SLC7A1: variants seen among roughly 807,000 people sequenced by gnomAD.
The protein encoded by SLC7A1 is solute carrier family 7 member 1.
A neutral mutation model predicts 53.9 loss-of-function variants in SLC7A1; 10 were observed. The ratio of observed to expected loss-of-function variants is 0.19; its 90% CI spans 0.11 to 0.31. The LOEUF is 0.31. Among genes scored for constraint, SLC7A1 ranks in the 10% least tolerant of loss-of-function variants. The pLI, the probability that SLC7A1 is intolerant of heterozygous loss-of-function variation, is 1.00. For missense variants in SLC7A1, 525 were observed against 827.2 expected (o/e 0.63, Z 4.48); for synonymous variants, 342 against 338.7 (o/e 1.01, Z -0.11).
intron 1 of SLC7A1, among the ~76,000 whole-genome samples, chr13:29,561,700 G>C (rs773844467): frequency 2.0e-5 from 3 of 152,152 alleles, no homozygotes; most frequent in African/African-American, 7.2e-5. Flanking sequence ...AGACCTCAGC[G>C]TCCCTGGAAC....
intron 1 of SLC7A1, among the ~76,000 whole-genome samples, chr13:29,586,961 C>G (rs948463113): frequency 2.0e-5 from 3 of 152,226 alleles, no homozygotes; most frequent in African/African-American, 7.2e-5. Flanking sequence ...AGCTCTGGCC[C>G]GTCCAGGTTG....
chr13:29,525,556 C>T (rs1868845836), intron 5 of SLC7A1, among the ~76,000 whole-genome samples: 1 of 152,226 alleles, frequency 6.6e-6, no homozygotes, highest in Non-Finnish European at 1.5e-5. Context: ...AACAGACAGA[C>T]AGACAGGATG....
chr13:29,594,366 C>T lies in SLC7A1; in HGVS notation c.-115+1050G>A, dbSNP rs1419578923. ...ACACATGAGGGCATGGCGGTGATGA[C>T]GTGAGTATTGGGAAATGTAGGTTAT... On this transcript the variant is annotated intron_variant, in intron 1 of 12. Transcript: ENST00000380752. Among the ~76,000 whole-genome samples, 8 of 152,318 alleles carry T rather than the reference C, an allele frequency of 5.3e-5. No individual in the cohort carries two copies. In the East Asian group the frequency reaches 5.8e-4, roughly 11 times the overall value.
intron 1 of SLC7A1, among the ~76,000 whole-genome samples, chr13:29,578,879 C>T (rs947340646): frequency 2.6e-5 from 4 of 152,234 alleles, no homozygotes; most frequent in Admixed American, 6.5e-5. Context: ...TCTCCGCAGG[C>T]GGGGCCTGGC....
intron 3 of SLC7A1, among the ~76,000 whole-genome samples, chr13:29,535,281 A>G (rs1000082654): frequency 6.6e-6 from 1 of 152,274 alleles, no homozygotes; most frequent in Non-Finnish European, 1.5e-5. Flanking sequence ...GTAGGCAAGC[A>G]TTAGAAATGT....
intron 5 of SLC7A1, among the ~76,000 whole-genome samples, chr13:29,526,527 A>G (rs1411954138): frequency 1.3e-5 from 2 of 152,082 alleles, no homozygotes; most frequent in Non-Finnish European, 1.5e-5. Flanking sequence ...ATAAATAAAT[A>G]AATGAATGCT....
At chr13:29,554,780 C>T (rs1023848550) in intron 1 of SLC7A1, among the ~76,000 whole-genome samples, 1 of 152,216 alleles carries the variant, frequency 6.6e-6, no homozygotes. Flanking sequence ...AGATTTCCCA[C>T]AATTGGAATC....
At chr13:29,539,859 C>CA (rs1869589428) in intron 2 of SLC7A1, among the ~76,000 whole-genome samples, 1 of 152,170 alleles carries the variant, frequency 6.6e-6, no homozygotes, top group African/African-American at 2.4e-5. Context: ...CTGAGAAGCC[C>CA]AGGGCTGATA....
intron 4 of SLC7A1, among the ~76,000 whole-genome samples, chr13:29,531,316 G>GTT (rs35134959): frequency 0.26 from 38,538 of 149,782 alleles, 5,362 homozygotes; most frequent in African/African-American, 0.38. Flanking sequence ...GCAAACTCAC[G>GTT]TTTTTTTTTT....
chr13:29,511,646 T>TC lies in SLC7A1; in HGVS notation c.*2833dup, dbSNP rs1284030095. ...ACTGCCTCCCTGGAGACCCACTTCA[T>TC]CCCCCTCTTCAGCAGAGGTCCTGAG... On this transcript the variant is annotated 3_prime_UTR_variant, in exon 13 of 13. Transcript: ENST00000380752. The TC allele has an allele frequency of 2.0e-5, 3 of 152,108 alleles. No homozygotes were observed. The highest frequency in any genetic ancestry group is 4.4e-5 in the Non-Finnish European group (3 of 68,044). The allele number at this position is 152,108 out of a possible 1,614,324, so 9.4% of individuals were successfully genotyped here.
intron 2 of SLC7A1, among the ~76,000 whole-genome samples, chr13:29,546,047 A>G (rs1869908287): frequency 6.6e-6 from 1 of 152,204 alleles, no homozygotes; most frequent in Non-Finnish European, 1.5e-5. Flanking sequence ...ATCCTATCCT[A>G]TTGGAGCCAG....
intron 1 of SLC7A1, among the ~76,000 whole-genome samples, chr13:29,564,223 A>G (rs79572571): frequency 0.032 from 4,846 of 152,242 alleles, 210 homozygotes; most frequent in African/African-American, 0.088. Flanking sequence ...CCTCTGGCTC[A>G]GCCAACAATA....
rs528296136 is a variant in SLC7A1 at position 29,535,240 on chromosome 13, C to T, written c.370+579G>A. Among the ~76,000 whole-genome samples, 18 of 152,300 alleles carry T rather than the reference C, an allele frequency of 1.2e-4. No individual in the cohort carries two copies. In the South Asian group the frequency reaches 3.1e-3, roughly 26 times the overall value. On this transcript the variant is annotated intron_variant, in intron 3 of 12. Transcript: ENST00000380752. ...TGAACATCCCATAAAGACACCAATACATTACGCTGTGTATATAAATCTATA... is the reference window on the plus strand; with the variant it reads ...TGAACATCCCATAAAGACACCAATATATTACGCTGTGTATATAAATCTATA...
chr13:29,536,261 T>C, intron 2 of SLC7A1, 59 bp from the exon 3 acceptor site: 1 of 1,486,156 alleles, frequency 6.7e-7, no homozygotes, highest in Non-Finnish European at 9.2e-7. Context: ...ATTACTCTAA[T>C]CTTATCACAT....
intron 1 of SLC7A1, among the ~76,000 whole-genome samples, chr13:29,576,691 GC>G (rs1871428967): frequency 6.6e-6 from 1 of 152,044 alleles, no homozygotes; most frequent in African/African-American, 2.4e-5. Flanking sequence ...CATCTCTAGT[GC>G]CATTTGAAAC....
chr13:29,569,009 T>C (rs1338844304), intron 1 of SLC7A1, among the ~76,000 whole-genome samples: 1 of 152,198 alleles, frequency 6.6e-6, no homozygotes, highest in Non-Finnish European at 1.5e-5. Flanking sequence ...TGATTCCATT[T>C]TAAGAACGGA....
intron 2 of SLC7A1, among the ~76,000 whole-genome samples, chr13:29,544,783 G>A (rs1194476956): frequency 2.1e-5 from 2 of 93,978 alleles, no homozygotes; most frequent in Non-Finnish European, 3.3e-5. Context: ...AGGGCAGTGG[G>A]GAGAGGGTGT....
intron 1 of SLC7A1, among the ~76,000 whole-genome samples, chr13:29,586,963 T>C (rs1871909741): frequency 6.6e-6 from 1 of 152,236 alleles, no homozygotes; most frequent in Non-Finnish European, 1.5e-5. Flanking sequence ...CTCTGGCCCG[T>C]CCAGGTTGGG....
chr13:29,527,929 C>T (rs1868972756), intron 5 of SLC7A1, among the ~76,000 whole-genome samples: 1 of 152,250 alleles, frequency 6.6e-6, no homozygotes, highest in Non-Finnish European at 1.5e-5. Flanking sequence ...CTGTGTGTTT[C>T]CCAGAGTCAC....
Sources: gnomAD v4.1 joint callset for allele counts (sites outside exome capture counted in the v4.1 genomes callset) on GRCh38, gnomAD v4.1.1 for gene constraint, MANE v1.5 for transcripts, NCBI Gene and HGNC (gene_info 2026-07-23, HGNC 2026-07-21) for gene names.